LRRC4C: variants seen among roughly 807,000 people sequenced by gnomAD.
LRRC4C encodes leucine rich repeat containing 4C.
LRRC4C carries 5 observed loss-of-function variants against 33.6 expected under a neutral mutation model. That is an observed-to-expected ratio of 0.15 (90% confidence interval 0.08 to 0.31). The LOEUF (loss-of-function observed/expected upper bound fraction) is 0.31, where lower values mean the gene tolerates loss of function less well. Among genes scored for constraint, LRRC4C ranks in the 10% least tolerant of loss-of-function variants. The pLI, the probability that LRRC4C is intolerant of heterozygous loss-of-function variation, is 1.00. For missense variants in LRRC4C, 560 were observed against 796.7 expected (o/e 0.70, Z 3.58); for synonymous variants, 329 against 302.0 (o/e 1.09, Z -0.93).
At chr11:40,376,510 A>G (rs1456849928) in intron 3 of LRRC4C, among the ~76,000 whole-genome samples, 1 of 152,316 alleles carries the variant, frequency 6.6e-6, no homozygotes. Context: ...TGGTTTTGCC[A>G]TATTTTTTAT....
chr11:40,155,173 T>C (rs1858578977), intron 5 of LRRC4C, among the ~76,000 whole-genome samples: 1 of 152,008 alleles, frequency 6.6e-6, no homozygotes, highest in Non-Finnish European at 1.5e-5. Context: ...GACAATAATG[T>C]CACAACCTAT....
intron 3 of LRRC4C, among the ~76,000 whole-genome samples, chr11:40,518,146 C>T (rs151091382): frequency 0.017 from 2,561 of 152,170 alleles, 37 homozygotes; most frequent in South Asian, 0.034. Flanking sequence ...AGACCTTAAA[C>T]CATAAAAATC....
At chr11:40,152,267 T>C (rs772429356) in intron 5 of LRRC4C, among the ~76,000 whole-genome samples, 4 of 152,138 alleles carry the variant, frequency 2.6e-5, no homozygotes, top group African/African-American at 4.8e-5. Context: ...AAGTAAAATA[T>C]AGGGGCAGAA....
intron 2 of LRRC4C, among the ~76,000 whole-genome samples, chr11:40,676,991 G>T (rs1944437289): frequency 6.6e-6 from 1 of 152,078 alleles, no homozygotes; most frequent in Non-Finnish European, 1.5e-5. Flanking sequence ...TACCATTCCT[G>T]CCCAGCAGAT....
chr11:40,823,809 A>G (rs929087852), intron 2 of LRRC4C, among the ~76,000 whole-genome samples: 3 of 151,842 alleles, frequency 2.0e-5, no homozygotes, highest in African/African-American at 7.2e-5. Flanking sequence ...TTACCCTATG[A>G]CCTAGAAACT....
At chr11:40,503,469 GC>G (rs1954877998) in intron 3 of LRRC4C, among the ~76,000 whole-genome samples, 1 of 152,160 alleles carries the variant, frequency 6.6e-6, no homozygotes, top group African/African-American at 2.4e-5. Context: ...TGCTGAAAAT[GC>G]TAAGCTGGTT....
At chr11:40,660,635 C>G (rs540583018) in intron 2 of LRRC4C, among the ~76,000 whole-genome samples, 1 of 152,280 alleles carries the variant, frequency 6.6e-6, no homozygotes, top group African/African-American at 2.4e-5. Flanking sequence ...GGCAAGTAAG[C>G]ACACAATGAT....
intron 1 of LRRC4C, among the ~76,000 whole-genome samples, chr11:41,086,450 G>C (rs1019524236): frequency 1.3e-5 from 2 of 151,980 alleles, no homozygotes; most frequent in African/African-American, 4.8e-5. Flanking sequence ...ATTGTAAAAC[G>C]TTGCTATAAA....
chr11:40,386,423 C>T (rs974684881), intron 3 of LRRC4C, among the ~76,000 whole-genome samples: 3 of 152,110 alleles, frequency 2.0e-5, no homozygotes, highest in African/African-American at 7.2e-5. Flanking sequence ...TGAATCTGCT[C>T]TTTTTCTGTA....
intron 3 of LRRC4C, among the ~76,000 whole-genome samples, chr11:40,620,359 G>A (rs1012463589): frequency 2.6e-5 from 4 of 151,704 alleles, no homozygotes; most frequent in African/African-American, 9.7e-5. Flanking sequence ...GCTCTCTTAT[G>A]CTTTCTTTCT....
At chr11:40,903,726 A>G (rs1348198961) in intron 2 of LRRC4C, among the ~76,000 whole-genome samples, 1 of 152,152 alleles carries the variant, frequency 6.6e-6, no homozygotes, top group African/African-American at 2.4e-5. Flanking sequence ...AGTTAGAAAG[A>G]ATGACTAAGA....
At chr11:40,459,275 T>C (rs1440118) in intron 3 of LRRC4C, among the ~76,000 whole-genome samples, 53,647 of 151,962 alleles carry the variant, frequency 0.35, 9,953 homozygotes, top group East Asian at 0.52. Context: ...TACATCCAAT[T>C]TGGAAGCAGT....
At chr11:41,236,900 T>A (rs185779142) in intron 1 of LRRC4C, among the ~76,000 whole-genome samples, 52 of 152,314 alleles carry the variant, frequency 3.4e-4, no homozygotes, top group Non-Finnish European at 6.5e-4. Flanking sequence ...AAGCTAAATG[T>A]CCACAAATGC....
intron 3 of LRRC4C, among the ~76,000 whole-genome samples, chr11:40,495,835 T>G (rs1590914989): frequency 1.4e-5 from 1 of 72,328 alleles, no homozygotes; most frequent in Non-Finnish European, 2.8e-5. Flanking sequence ...TTTTTTTTTT[T>G]TTTTTTTTTT....
intron 3 of LRRC4C, among the ~76,000 whole-genome samples, chr11:40,483,137 G>A (rs987203697): frequency 1.3e-5 from 2 of 152,136 alleles, no homozygotes; most frequent in African/African-American, 4.8e-5. Context: ...TGTAGTCAAG[G>A]AAGTGACGCA....
chr11:40,356,032 A>G (rs1489722270), intron 3 of LRRC4C, among the ~76,000 whole-genome samples: 2 of 150,892 alleles, frequency 1.3e-5, no homozygotes, highest in Non-Finnish European at 1.5e-5. Context: ...GTCAGACTCA[A>G]TGGGTGTGTT....
At chr11:40,814,596 C>T (rs1485097626) in intron 2 of LRRC4C, among the ~76,000 whole-genome samples, 1 of 151,886 alleles carries the variant, frequency 6.6e-6, no homozygotes, top group Non-Finnish European at 1.5e-5. Context: ...TTGAATTTCT[C>T]CCCAGAAAAT....
At chr11:40,916,782 G>C (rs1264533612) in intron 2 of LRRC4C, among the ~76,000 whole-genome samples, 1 of 151,940 alleles carries the variant, frequency 6.6e-6, no homozygotes, top group Non-Finnish European at 1.5e-5. Flanking sequence ...TGACTATTGA[G>C]ACACTTAATT....
intron 2 of LRRC4C, among the ~76,000 whole-genome samples, chr11:40,929,762 T>G (rs1957540765): frequency 6.6e-6 from 1 of 152,158 alleles, no homozygotes; most frequent in South Asian, 2.1e-4. Context: ...ATTCAATTCT[T>G]AAATGTAATT....
Sources: gnomAD v4.1 joint callset for allele counts (sites outside exome capture counted in the v4.1 genomes callset) on GRCh38, gnomAD v4.1.1 for gene constraint, MANE v1.5 for transcripts, NCBI Gene and HGNC (gene_info 2026-07-23, HGNC 2026-07-21) for gene names.